SCARF2: variants seen among roughly 807,000 people sequenced by gnomAD.
The protein encoded by SCARF2 is scavenger receptor class F member 2.
Under a neutral mutation model 73.4 loss-of-function variants are expected in SCARF2, and 39 were observed. The observed-to-expected ratio is 0.53, with a 90% CI of 0.41 to 0.69. The LOEUF is 0.69. Among genes scored for constraint, SCARF2 ranks in the 30% least tolerant of loss-of-function variants. The probability of loss-of-function intolerance (pLI) is 0.00; values close to 1 mark genes in which losing one functional copy is unlikely to be tolerated. For synonymous variants in SCARF2, 605 were observed against 590.0 expected (o/e 1.03, Z -0.37); for missense variants, 1,148 against 1,303.5 (o/e 0.88, Z 1.84).
At chr22:20,431,883 A>AGGCCGGGGCGCC in intron 2 of SCARF2, 37 bp from the exon 3 acceptor site, 1 of 1,530,536 alleles carries the variant, frequency 6.5e-7, no homozygotes, top group Non-Finnish European at 9.0e-7. Flanking sequence ...TGCGCGTCCT[A>AGGCCGGGGCGCC]GCCCCGCCCC....
Position 20,429,842 on chromosome 22 carries a change from A to G in SCARF2, c.1203-9T>C. ...GGCACGTCACGTTACAGCTGCCGGG[A>G]CATAGGGTCAAGGCATGCCACAGCC... On this transcript the variant is annotated splice_polypyrimidine_tract_variant and intron_variant, in intron 6 of 10. Coordinates refer to ENST00000622235, the MANE Select transcript of SCARF2 (RefSeq NM_182895.5). The surrounding 1 kb of genome is among the most constrained non-coding windows in gnomAD (Gnocchi z 5.2). The G allele has an allele frequency of 6.2e-7, 1 of 1,611,914 alleles. No homozygotes were observed. The highest frequency in any genetic ancestry group is 8.5e-7 in the Non-Finnish European group (1 of 1,179,532).
intron 10 of SCARF2, among the ~76,000 whole-genome samples, chr22:20,426,801 C>T (rs1345604145): frequency 6.6e-6 from 1 of 152,132 alleles, no homozygotes; most frequent in African/African-American, 2.4e-5. Context: ...GTCGTGGGCG[C>T]CTGTAATCCC....
At position 20,429,230 on chromosome 22, in the gene SCARF2, A is replaced by G. The variant is rs2052612965; in HGVS notation, c.1535T>C (p.Val512Ala). The G allele has an allele frequency of 2.5e-6, 4 of 1,613,642 alleles. No homozygotes were observed. Among genetic ancestry groups the G allele is most frequent in the Non-Finnish European group, 3.4e-6 (4 of 1,179,990 alleles). Residue 512 changes from valine to alanine, a missense_variant, in exon 9 of 11, where the codon GTC becomes GCC. Val to Ala is a moderately conservative substitution (Grantham distance 64). Coordinates refer to ENST00000622235, the MANE Select transcript of SCARF2 (RefSeq NM_182895.5). This position sits in a 1 kb window ranked among gnomAD's most constrained non-coding sequence, Gnocchi z 5.2. Reference sequence around the variant, plus strand: ...CCCCGCGCTGTCATCCTTACCTACGACTTTGGGTAGTTTCTGCCTCCGGAG... The same window carrying G: ...CCCCGCGCTGTCATCCTTACCTACGGCTTTGGGTAGTTTCTGCCTCCGGAG... ...IPLRRQKLPK[V>A]VVAHHDLDNT...
At chr22:20,427,577 A>C in intron 9 of SCARF2, 27 bp from the exon 10 acceptor site, 10 of 1,611,174 alleles carry the variant, frequency 6.2e-6, no homozygotes, top group Non-Finnish European at 8.5e-6. Context: ...CAGAGCTGCC[A>C]GGGGTCCACT....
At position 20,425,701 on chromosome 22, in the gene SCARF2, GA is replaced by G; in HGVS notation, c.2274del (p.Pro760ArgfsTer179). On this transcript the variant is annotated frameshift_variant, in exon 11 of 11. Transcript: ENST00000622235. LOFTEE classifies it low-confidence loss of function (END_TRUNC). This position sits in a 1 kb window ranked among gnomAD's most constrained non-coding sequence, Gnocchi z 4.6. Reference protein sequence around the residue: ...PGLLEPTDAGGPPRSAPEAAS... With the variant: ...PGLLEPTDAGXPPRSAPEAAS... ...GCAGCCTCGGGCGCGCTTCGCGGGG[GA>G]CCGCCGGCGTCCGTGGGCTCCAAGA... The G allele has an allele frequency of 1.6e-6, 2 of 1,230,194 alleles. No homozygotes were observed. Among genetic ancestry groups the G allele is most frequent in the Non-Finnish European group, 2.0e-6 (2 of 988,458 alleles). 76.2% of individuals were successfully genotyped at this position (1,230,194 alleles called of 1,614,324 possible).
chr22:20,431,791 G>C lies in SCARF2; in HGVS notation c.288C>G (p.Gly96=), dbSNP rs780208261. ...CSENEVCVRP[G]ECRCRHGYFG... Reference sequence around the variant, plus strand: ...AGTAGCCGTGGCGGCAGCGGCACTCGCCAGGCCTCACGCACACCTCGTTCT... The same window carrying C: ...AGTAGCCGTGGCGGCAGCGGCACTCCCCAGGCCTCACGCACACCTCGTTCT... Residue 96 remains glycine (G), a synonymous_variant, in exon 3 of 11, where the codon GGC becomes GGG. Transcript: ENST00000622235. 1 of 1,594,574 alleles carries C rather than the reference G, an allele frequency of 6.3e-7. No individual in the cohort carries two copies. The highest frequency in any genetic ancestry group is 1.1e-5 in the South Asian group (1 of 87,972).
At chr22:20,437,506 T>TCC in intron 1 of SCARF2, 76 bp downstream of exon 1, 1 of 1,452,770 alleles carries the variant, frequency 6.9e-7, no homozygotes, top group Non-Finnish European at 9.2e-7. Flanking sequence ...GGTAGCCCCC[T>TCC]CCCAATGCCC....
rs758079035 is a variant in SCARF2, at chr22:20,429,917, CA to C, written c.1203-85del. The C allele has an allele frequency of 3.7e-4, 488 of 1,332,652 alleles. No individual in the cohort carries two copies. The highest frequency in any genetic ancestry group is 4.7e-4 in the Non-Finnish European group (453 of 960,782). 82.6% of individuals were successfully genotyped at this position (1,332,652 alleles called of 1,614,324 possible). ...TCACCCCTCACCCGCGGCCAGGGCC[CA>C]GGGTCCAGGGTCCCAGAACCGGGCT... On this transcript the variant is annotated intron_variant, in intron 6 of 10. Transcript: ENST00000622235. This position sits in a 1 kb window ranked among gnomAD's most constrained non-coding sequence, Gnocchi z 5.2.
chr22:20,432,086 G>T, intron 1 of SCARF2, 98 bp from the exon 2 acceptor site: 1 of 1,244,124 alleles, frequency 8.0e-7, no homozygotes, highest in Non-Finnish European at 1.1e-6. Flanking sequence ...CCCTGCCTCT[G>T]CAGTTGCGCT....
intron 6 of SCARF2, among the ~76,000 whole-genome samples, chr22:20,430,161 T>A (rs910619380): frequency 4.6e-5 from 7 of 151,788 alleles, no homozygotes; most frequent in African/African-American, 1.2e-4. Flanking sequence ...TAAGTGGAGG[T>A]CCCTGGTCCT....
At chr22:20,427,251 GCT>G in intron 10 of SCARF2, 145 bp downstream of exon 10, 1 of 985,080 alleles carries the variant, frequency 1.0e-6, no homozygotes, top group Non-Finnish European at 1.5e-6. Context: ...TATGGCCTCA[GCT>G]CTGTGGGCAA....
chr22:20,428,836 G>C (rs1305287931), intron 9 of SCARF2, among the ~76,000 whole-genome samples: 1 of 152,024 alleles, frequency 6.6e-6, no homozygotes, highest in Non-Finnish European at 1.5e-5. Context: ...CAGGAGGGTG[G>C]GTCCTCTCCG....
At position 20,429,345 on chromosome 22, in the gene SCARF2, GGGGGCGGGGTCTGAGCGGA is replaced by G. The variant is rs2052615056; in HGVS notation, c.1425-24_1425-6del. On this transcript the variant is annotated splice_region_variant and splice_polypyrimidine_tract_variant and intron_variant, in intron 8 of 10. Coordinates refer to ENST00000622235, the MANE Select transcript of SCARF2 (RefSeq NM_182895.5). The surrounding 1 kb of genome is among the most constrained non-coding windows in gnomAD (Gnocchi z 5.2). ...TTCCTCCCAAGCGAAAGCTCCCTGC[GGGGGCGGGGTCTGAGCGGA>G]GGGGCGGGGCCGGGGCGGGGCCCAG... 1.9e-6 allele frequency: 3 copies of G among 1,609,012 alleles called. No homozygotes were observed. In the East Asian group the frequency reaches 6.7e-5, roughly 36 times the overall value.
At position 20,430,007 on chromosome 22, in the gene SCARF2, A is replaced by G. The variant is rs1601298700; in HGVS notation, c.1203-174T>C. 33 of 674,122 alleles carry G rather than the reference A, an allele frequency of 4.9e-5. No homozygotes were observed. The East Asian group carries it at 9.0e-4, about 18-fold the overall frequency. 41.8% of individuals were successfully genotyped at this position (674,122 alleles called of 1,614,324 possible). A position where few individuals can be genotyped will look rare whatever the true frequency, so the allele number is the denominator to read the frequency against. On this transcript the variant is annotated intron_variant, in intron 6 of 10. Transcript: ENST00000622235. ...GCCCCGCCCGTGGCACATATTGGGT[A>G]GTGGATGTTTTGGAAACGAATGTTG...
In SCARF2 at chr22:20,429,979, C is replaced by A; in HGVS notation, c.1203-146G>T. ...GCATTCGTCGTCTAGGGATTGAAGC[C>A]CCGCCCCGCCCGTGGCACATATTGG... On this transcript the variant is annotated intron_variant, in intron 6 of 10. Transcript: ENST00000622235. This position sits in a 1 kb window ranked among gnomAD's most constrained non-coding sequence, Gnocchi z 5.2. 1.3e-6 allele frequency: 1 copy of A among 752,804 alleles called. No individual in the cohort carries two copies. Among genetic ancestry groups the A allele is most frequent in the Non-Finnish European group, 2.2e-6 (1 of 460,602 alleles). 46.6% of individuals were successfully genotyped at this position (752,804 alleles called of 1,614,324 possible).
intron 10 of SCARF2, 72 bp from the exon 11 acceptor site, chr22:20,426,354 C>A: frequency 6.7e-7 from 1 of 1,495,840 alleles, no homozygotes; most frequent in Non-Finnish European, 8.9e-7. Context: ...CAGGCGCAAA[C>A]CTTCACCTTT....
chr22:20,435,787 T>C (rs1470040208), intron 1 of SCARF2, among the ~76,000 whole-genome samples: 1 of 152,234 alleles, frequency 6.6e-6, no homozygotes, highest in Non-Finnish European at 1.5e-5. Context: ...CACACTTGCT[T>C]TTCTGGACTG....
At chr22:20,436,969 G>A (rs1348466513) in intron 1 of SCARF2, among the ~76,000 whole-genome samples, 1 of 152,172 alleles carries the variant, frequency 6.6e-6, no homozygotes. Flanking sequence ...GTTGTCGCCA[G>A]GGTTCCCACA....
chr22:20,432,061 G>GCCTCCGCAC, intron 1 of SCARF2, 73 bp from the exon 2 acceptor site: 1 of 1,466,870 alleles, frequency 6.8e-7, no homozygotes. Flanking sequence ...CTCCTCCGCA[G>GCCTCCGCAC]CCTCCGCACA....
Sources: allele counts gnomAD v4.1 joint callset (sites outside exome capture counted in the v4.1 genomes callset), GRCh38; gene constraint gnomAD v4.1.1; non-coding constraint Gnocchi (gnomAD v3.1); transcripts MANE v1.5; gene names NCBI Gene and HGNC (gene_info 2026-07-23, HGNC 2026-07-21).